Variants in ATIC observed in about 807,000 individuals in gnomAD.
ATIC encodes the protein 5-aminoimidazole-4-carboxamide ribonucleotide formyltransferase/IMP cyclohydrolase.
ATIC carries 64 observed loss-of-function variants against 72.5 expected under a neutral mutation model. That is an observed-to-expected ratio of 0.88 (90% CI 0.72 to 1.09). ATIC has a LOEUF of 1.09. ATIC is among the 50% of genes least tolerant of loss of function. ATIC has a pLI of 0.00. For synonymous variants in ATIC, 281 were observed against 267.1 expected (o/e 1.05, Z -0.51); for missense variants, 787 against 732.4 (o/e 1.07, Z -0.86).
chr2:215,349,288 A>C (rs550636145), intron 15 of ATIC, 39 bp downstream of exon 15: 1 of 1,612,996 alleles, frequency 6.2e-7, no homozygotes, highest in East Asian at 2.2e-5. Context: ...AGAGTTGAGC[A>C]TTATGTAGAA....
In ATIC at chr2:215,333,526, AGAG is replaced by A. The variant is rs577060102; in HGVS notation, c.922+72_922+74del. 1.7e-4 allele frequency: 222 copies of A among 1,287,260 alleles called. 1 individual carries two copies. The African/African-American group carries it at 2.9e-3, about 17-fold the overall frequency. The allele number at this position is 1,287,260 out of a possible 1,614,324, so 79.7% of individuals were successfully genotyped here. On this transcript the variant is annotated intron_variant, in intron 9 of 15. Coordinates refer to ENST00000236959, the MANE Select transcript of ATIC (RefSeq NM_004044.7). ...CAATATTTTATCCTAAATAGAATAA[AGAG>A]GATAGAATAAAGAAAAAATATATAG...
At chr2:215,352,692 C>G (rs2106054305), downstream of ATIC, among the ~76,000 whole-genome samples, 1 of 152,186 alleles carries the variant, frequency 6.6e-6, no homozygotes, top group South Asian at 2.1e-4. Context: ...TATCAAATAC[C>G]CAGTCACCTT....
At chr2:215,320,093 A>C (rs1403884227) in intron 4 of ATIC, among the ~76,000 whole-genome samples, 1 of 152,198 alleles carries the variant, frequency 6.6e-6, no homozygotes. Flanking sequence ...ATTTCCTCCA[A>C]GTGTCATGTT....
intron 4 of ATIC, among the ~76,000 whole-genome samples, chr2:215,324,460 G>A (rs1339943951): frequency 1.3e-5 from 2 of 152,178 alleles, no homozygotes; most frequent in African/African-American, 2.4e-5. Flanking sequence ...AGATACCTAA[G>A]AGATACTGGT....
chr2:215,339,157 T>G lies in ATIC; in HGVS notation c.1227+250T>G, dbSNP rs534778474. 1.3e-4 allele frequency among the ~76,000 whole-genome samples: 20 copies of G among 152,304 alleles called. No individual in the cohort carries two copies. The South Asian group carries it at 4.1e-3, about 32-fold the overall frequency. On this transcript the variant is annotated intron_variant, in intron 12 of 15. Coordinates refer to ENST00000236959, the MANE Select transcript of ATIC (RefSeq NM_004044.7). ...TTAATTGTGTATAAATGGGATCATG[T>G]CTTCCATAATCTGACTCCTGTAACT...
At chr2:215,316,473 A>T (rs1054598353) in intron 2 of ATIC, among the ~76,000 whole-genome samples, 1 of 152,140 alleles carries the variant, frequency 6.6e-6, no homozygotes, top group African/African-American at 2.4e-5. Flanking sequence ...TACTTGGAGG[A>T]TTACTTAATA....
the ATIC span, among the ~76,000 whole-genome samples, chr2:215,360,019 A>C: frequency 6.6e-6 from 1 of 151,920 alleles, no homozygotes; most frequent in Non-Finnish European, 1.5e-5. Context: ...GCTCACTGCA[A>C]CCTCCGCCTT....
At chr2:215,336,630 T>C (rs1368020482) in intron 11 of ATIC, among the ~76,000 whole-genome samples, 6 of 152,248 alleles carry the variant, frequency 3.9e-5, no homozygotes. Context: ...TGCATTTCTT[T>C]TTCTATTTTC....
At chr2:215,339,261 T>C (rs1050478688) in intron 12 of ATIC, among the ~76,000 whole-genome samples, 1 of 152,232 alleles carries the variant, frequency 6.6e-6, no homozygotes, top group Non-Finnish European at 1.5e-5. Flanking sequence ...AGCTGACATT[T>C]GTAATCCCAA....
At chr2:215,333,697 T>A (rs1210156700) in intron 9 of ATIC, among the ~76,000 whole-genome samples, 1 of 152,166 alleles carries the variant, frequency 6.6e-6, no homozygotes, top group East Asian at 1.9e-4. Context: ...TTATTAATAT[T>A]TGAGATTGAT....
At chr2:215,323,788 T>G (rs1284255341) in intron 4 of ATIC, among the ~76,000 whole-genome samples, 1 of 152,234 alleles carries the variant, frequency 6.6e-6, no homozygotes, top group Non-Finnish European at 1.5e-5. Flanking sequence ...GTTTCTTTTT[T>G]TTAAGATGGC....
chr2:215,346,576 A>T (rs2106042509), intron 13 of ATIC, among the ~76,000 whole-genome samples, 183 bp from the exon 14 acceptor site: 1 of 152,188 alleles, frequency 6.6e-6, no homozygotes. Flanking sequence ...AATAGTAGTT[A>T]TAAACAAACC....
intron 6 of ATIC, 39 bp downstream of exon 6, chr2:215,326,177 G>T (rs1430610393): frequency 6.2e-7 from 1 of 1,612,586 alleles, no homozygotes. Context: ...TTACATCCAT[G>T]GAGTGCAGTG....
At chr2:215,354,975 A>G in the ATIC span, among the ~76,000 whole-genome samples, 1 of 152,002 alleles carries the variant, frequency 6.6e-6, no homozygotes, top group Non-Finnish European at 1.5e-5. Context: ...CACCCAAGCA[A>G]TAAGAGCAAC....
At chr2:215,317,573 A>T (rs180973141) in intron 2 of ATIC, among the ~76,000 whole-genome samples, 5 of 151,748 alleles carry the variant, frequency 3.3e-5, no homozygotes, top group East Asian at 3.9e-4. Flanking sequence ...GCGACCTCCA[A>T]CTCTTGGGTT....
downstream of ATIC, among the ~76,000 whole-genome samples, chr2:215,353,242 C>G (rs1323891535): frequency 6.6e-6 from 1 of 151,976 alleles, no homozygotes; most frequent in African/African-American, 2.4e-5. Context: ...AAAGTTTGAC[C>G]CACTTTTATT....
chr2:215,348,075 A>G (rs528183227), intron 14 of ATIC, among the ~76,000 whole-genome samples: 29 of 152,240 alleles, frequency 1.9e-4, no homozygotes, highest in African/African-American at 6.3e-4. Context: ...GCCCTTTTAT[A>G]AGTCTGTAAT....
In ATIC at chr2:215,338,891, T is replaced by C. The variant is rs1187819228; in HGVS notation, c.1211T>C (p.Val404Ala). 2 of 1,613,526 alleles carry C rather than the reference T, an allele frequency of 1.2e-6. No individual in the cohort carries two copies. Among genetic ancestry groups the C allele is most frequent in the African/African-American group, 2.7e-5 (2 of 74,922 alleles). The change falls in exon 12 of 16, where the codon GTT becomes GCT. Residue 404 changes from valine (V) to alanine (A), a missense_variant. Transcript: ENST00000236959. Reference sequence around the variant, plus strand: ...GACAAGTCATTATTTAGCAATGTTGTTACCAAAAATAAAGATGTAAGTTGG... The same window carrying C: ...GACAAGTCATTATTTAGCAATGTTGCTACCAAAAATAAAGATGTAAGTTGG... ...VVDKSLFSNV[V>A]TKNKDLPESA...
rs770896309 is a variant in ATIC at position 215,349,578 on chromosome 2, G to C, written c.1702G>C (p.Asp568His). 1 of 1,614,202 alleles carries C rather than the reference G, an allele frequency of 6.2e-7. No individual in the cohort carries two copies. The highest frequency in any genetic ancestry group is 8.5e-7 in the Non-Finnish European group (1 of 1,180,044). ...TGCGGCTCCCTCCGGTTCTGCTGCT[G>C]ACAAAGTTGTGATTGAGGCCTGCGA... is the stretch of plus-strand genomic sequence containing the variant. The part of the protein sequence containing the change: ...YIAAPSGSAA[D>H]KVVIEACDEL... The change falls in exon 16 of 16, where the codon GAC (aspartate) becomes CAC (histidine). Residue 568 changes from aspartate (D) to histidine (H), a missense_variant. Physicochemically the swap from Asp to His is moderately conservative, Grantham distance 81. Transcript: ENST00000236959.
Sources: allele counts gnomAD v4.1 joint callset (sites outside exome capture counted in the v4.1 genomes callset), GRCh38; gene constraint gnomAD v4.1.1; transcripts MANE v1.5; gene names NCBI Gene and HGNC (gene_info 2026-07-23, HGNC 2026-07-21).